Variants in ADAMTS16 observed in about 807,000 individuals in gnomAD.
The protein encoded by ADAMTS16 is ADAM metallopeptidase with thrombospondin type 1 motif 16, also known as A disintegrin and metalloproteinase with thrombospondin motifs 16.
In ADAMTS16, 94 loss-of-function variants were observed where a neutral mutation model predicts 145.8. The ratio of observed to expected loss-of-function variants is 0.64; its 90% confidence interval spans 0.55 to 0.77. The LOEUF (loss-of-function observed/expected upper bound fraction) is 0.77, where lower values mean the gene tolerates loss of function less well. Ranked by LOEUF, ADAMTS16 falls within the 30% of genes least tolerant of loss-of-function variation. The pLI is 0.00. For missense variants in ADAMTS16, 1,585 were observed against 1,591.5 expected, an observed-to-expected ratio of 1.00 and a Z score of 0.07; for synonymous variants, 659 against 604.3, an observed-to-expected ratio of 1.09 and a Z score of -1.33.
In ADAMTS16 at chr5:5,190,142, C is replaced by T; in HGVS notation, c.1207+12C>T. On this transcript the variant is annotated intron_variant, in intron 7 of 22. Transcript: ENST00000274181. ...CTGTGACACTTTGGGTGAGAACCTC[C>T]AGCAGAGTGTGAGGACCGTGTGTGG... The T allele has an allele frequency of 6.3e-7, 1 of 1,577,494 alleles. No homozygotes were observed. Among genetic ancestry groups the T allele is most frequent in the South Asian group, 1.2e-5 (1 of 84,512 alleles).
chr5:5,186,608 AT>A (rs1182152661), intron 5 of ADAMTS16, among the ~76,000 whole-genome samples: 1 of 152,164 alleles, frequency 6.6e-6, no homozygotes, highest in African/African-American at 2.4e-5. Flanking sequence ...TAGATGTGTG[AT>A]TTTAGATGGC....
chr5:5,242,508 T>A (rs1010275178), intron 17 of ADAMTS16, among the ~76,000 whole-genome samples: 1 of 151,996 alleles, frequency 6.6e-6, no homozygotes, highest in African/African-American at 2.4e-5. Flanking sequence ...ACGGTAATTA[T>A]GAGATACATC....
At chr5:5,160,137 T>C (rs1419073256) in intron 3 of ADAMTS16, among the ~76,000 whole-genome samples, 1 of 152,140 alleles carries the variant, frequency 6.6e-6, no homozygotes, top group Admixed American at 6.6e-5. Context: ...ATATTGAATG[T>C]TTAAGAATAA....
intron 3 of ADAMTS16, among the ~76,000 whole-genome samples, chr5:5,148,122 G>A (rs1043427839): frequency 2.0e-5 from 3 of 150,960 alleles, no homozygotes; most frequent in African/African-American, 7.3e-5. Flanking sequence ...GATAATAACA[G>A]TGGTATCTGA....
At chr5:5,222,011 G>A (rs1002106251) in intron 10 of ADAMTS16, among the ~76,000 whole-genome samples, 14 of 152,162 alleles carry the variant, frequency 9.2e-5, no homozygotes, top group Admixed American at 5.9e-4. Flanking sequence ...TGAGTCTACC[G>A]CCAGCATTCC....
At chr5:5,144,725 G>A (rs1050969689) in intron 2 of ADAMTS16, among the ~76,000 whole-genome samples, 6 of 152,112 alleles carry the variant, frequency 3.9e-5, no homozygotes, top group African/African-American at 1.2e-4. Flanking sequence ...TTGTTAATGC[G>A]ATTGATTTCT....
intron 10 of ADAMTS16, among the ~76,000 whole-genome samples, chr5:5,219,967 T>C (rs1736545278): frequency 6.6e-6 from 1 of 152,170 alleles, no homozygotes; most frequent in Admixed American, 6.5e-5. Flanking sequence ...AAGTCATCTT[T>C]GGCTTTTTAT....
intron 17 of ADAMTS16, among the ~76,000 whole-genome samples, chr5:5,261,613 A>G (rs111782515): frequency 2.7e-5 from 4 of 150,750 alleles, no homozygotes; most frequent in African/African-American, 9.8e-5. Flanking sequence ...CAGCCTCCTG[A>G]TAGCTGGGAA....
chr5:5,261,749 A>G (rs1340994614), intron 17 of ADAMTS16, among the ~76,000 whole-genome samples: 1 of 152,062 alleles, frequency 6.6e-6, no homozygotes, highest in Admixed American at 6.6e-5. Context: ...CGCCCAAAGT[A>G]TCTCTTTTTT....
At chr5:5,205,345 A>G (rs537576150) in intron 9 of ADAMTS16, among the ~76,000 whole-genome samples, 62 of 152,262 alleles carry the variant, frequency 4.1e-4, no homozygotes, top group Middle Eastern at 3.4e-3. Context: ...ACTTGTCCCA[A>G]AGTTGCAAAG....
At chr5:5,199,599 A>T (rs905476713) in intron 8 of ADAMTS16, among the ~76,000 whole-genome samples, 1 of 152,200 alleles carries the variant, frequency 6.6e-6, no homozygotes, top group Non-Finnish European at 1.5e-5. Context: ...TAGAGACAGA[A>T]TGTCAGCCCA....
At chr5:5,225,874 T>C (rs2126354843) in intron 11 of ADAMTS16, among the ~76,000 whole-genome samples, 1 of 152,212 alleles carries the variant, frequency 6.6e-6, no homozygotes, top group South Asian at 2.1e-4. Context: ...ATTCACATGG[T>C]CATGGTGAAA....
Position 5,177,405 on chromosome 5 carries a change from G to A in ADAMTS16, c.502-4639G>A, listed in dbSNP as rs1463026847. On this transcript the variant is annotated intron_variant, in intron 3 of 22. Coordinates refer to ENST00000274181, the MANE Select transcript of ADAMTS16 (RefSeq NM_139056.4). ...TTCCTGTGACCAGCATATCAGCCCCGTTGTCCTTGAAGACAGAAAGGTTGA... is the reference window on the plus strand; with the variant it reads ...TTCCTGTGACCAGCATATCAGCCCCATTGTCCTTGAAGACAGAAAGGTTGA... Among the ~76,000 whole-genome samples the A allele has an allele frequency of 5.3e-5, 8 of 152,302 alleles. No homozygotes were observed. The South Asian group carries it at 6.2e-4, about 12-fold the overall frequency.
chr5:5,231,236 G>T (rs1736912589), intron 11 of ADAMTS16, among the ~76,000 whole-genome samples: 2 of 152,146 alleles, frequency 1.3e-5, no homozygotes, highest in Admixed American at 6.5e-5. Flanking sequence ...TTAAAGAAAA[G>T]AAATGAATGG....
chr5:5,228,319 G>A (rs548851693), intron 11 of ADAMTS16, among the ~76,000 whole-genome samples: 51 of 152,214 alleles, frequency 3.4e-4, no homozygotes, highest in South Asian at 1.2e-3. Flanking sequence ...CAGTAATCAC[G>A]TTATTATTGA....
At chr5:5,248,343 G>A (rs184321185) in intron 17 of ADAMTS16, among the ~76,000 whole-genome samples, 7 of 152,134 alleles carry the variant, frequency 4.6e-5, no homozygotes, top group Non-Finnish European at 8.8e-5. Context: ...GGCCAGAGTT[G>A]GTTTCTGAAA....
intron 10 of ADAMTS16, among the ~76,000 whole-genome samples, chr5:5,222,010 C>T (rs16875074): frequency 0.15 from 22,628 of 152,166 alleles, 1,729 homozygotes; most frequent in African/African-American, 0.18. Context: ...TTGAGTCTAC[C>T]GCCAGCATTC....
chr5:5,311,263 C>T (rs980702459), intron 21 of ADAMTS16, among the ~76,000 whole-genome samples: 7 of 142,236 alleles, frequency 4.9e-5, no homozygotes, highest in Non-Finnish European at 7.5e-5. Flanking sequence ...CAGCCCTGCA[C>T]GGGAAGCTGC....
chr5:5,190,437 A>C (rs567650658), intron 7 of ADAMTS16, among the ~76,000 whole-genome samples: 1 of 152,240 alleles, frequency 6.6e-6, no homozygotes, highest in East Asian at 1.9e-4. Context: ...GGATAGATCG[A>C]AGGCTTTCTC....
Sources: gnomAD v4.1 joint callset for allele counts (sites outside exome capture counted in the v4.1 genomes callset) on GRCh38, gnomAD v4.1.1 for gene constraint, MANE v1.5 for transcripts, NCBI Gene and HGNC (gene_info 2026-07-23, HGNC 2026-07-21) for gene names.